ZFHX3: variants seen among roughly 807,000 people sequenced by gnomAD.
ZFHX3 encodes zinc finger homeobox protein 3.
Under a neutral mutation model 279.1 loss-of-function variants are expected in ZFHX3, and 42 were observed. That is an observed-to-expected ratio of 0.15 (90% CI 0.12 to 0.19). The LOEUF is 0.19. ZFHX3 is among the 10% of genes least tolerant of loss of function. The pLI, the probability that ZFHX3 is intolerant of heterozygous loss-of-function variation, is 1.00. For missense variants in ZFHX3, 4,981 were observed against 4,754.0 expected (o/e 1.05, Z -1.40); for synonymous variants, 2,293 against 1,957.8 (o/e 1.17, Z -4.52).
At chr16:72,876,587 T>A (rs912470489) in intron 4 of ZFHX3, among the ~76,000 whole-genome samples, 6 of 150,830 alleles carry the variant, frequency 4.0e-5, no homozygotes, top group African/African-American at 1.5e-4. Flanking sequence ...TACCCAGGCA[T>A]GTTGAAAAAA....
chr16:73,889,827 C>T (rs1371439495), intron 1 of ZFHX3, among the ~76,000 whole-genome samples: 3 of 152,140 alleles, frequency 2.0e-5, no homozygotes, highest in Admixed American at 6.5e-5. Flanking sequence ...CCCATCCCCG[C>T]CCCCAGAGCC....
intron 5 of ZFHX3, among the ~76,000 whole-genome samples, chr16:73,209,823 C>G (rs1262516104): frequency 6.6e-6 from 1 of 152,004 alleles, no homozygotes; most frequent in Non-Finnish European, 1.5e-5. Context: ...CATATAATAC[C>G]TTTATGTTAA....
chr16:73,134,106 A>T (rs2144823725), intron 6 of ZFHX3, among the ~76,000 whole-genome samples: 1 of 152,226 alleles, frequency 6.6e-6, no homozygotes, highest in East Asian at 1.9e-4. Context: ...TAAAAGAGGA[A>T]GCTGAGGCAC....
intron 3 of ZFHX3, among the ~76,000 whole-genome samples, chr16:72,941,907 T>C (rs724186): frequency 7.1e-4 from 108 of 152,332 alleles, no homozygotes; most frequent in Admixed American, 1.4e-3. Flanking sequence ...GTATTAAATA[T>C]ATACTTACTC....
chr16:73,740,461 C>T (rs996402174), intron 1 of ZFHX3, among the ~76,000 whole-genome samples: 1 of 152,064 alleles, frequency 6.6e-6, no homozygotes, highest in African/African-American at 2.4e-5. Context: ...GTGAGTTTTC[C>T]TCTAGCCCAG....
chr16:72,871,564 T>C (rs562568417), intron 4 of ZFHX3, among the ~76,000 whole-genome samples: 219 of 151,782 alleles, frequency 1.4e-3, no homozygotes, highest in Non-Finnish European at 2.1e-3. Flanking sequence ...ATGGTCTTGA[T>C]CTCCTGACCT....
intron 2 of ZFHX3, among the ~76,000 whole-genome samples, chr16:73,594,541 A>C (rs982825590): frequency 1.3e-5 from 2 of 152,244 alleles, no homozygotes; most frequent in Non-Finnish European, 2.9e-5. Flanking sequence ...TCATAAAGCC[A>C]TATTAATCAG....
rs531422156 is a variant in ZFHX3, at chr16:72,909,461, A to C, written c.3217-19499T>G. Among the ~76,000 whole-genome samples, 4 of 152,328 alleles carry C rather than the reference A, an allele frequency of 2.6e-5. No homozygotes were observed. The East Asian group carries it at 7.7e-4, about 29-fold the overall frequency. On this transcript the variant is annotated intron_variant, in intron 3 of 9. Transcript: ENST00000268489. ...TAAAACCCCGTAACAAATTTATACAATCATTTAGAAAAATCACGCGCCTGC... is the reference window on the plus strand; with the variant it reads ...TAAAACCCCGTAACAAATTTATACACTCATTTAGAAAAATCACGCGCCTGC...
intron 7 of ZFHX3, among the ~76,000 whole-genome samples, chr16:73,124,115 C>A (rs1966531899): frequency 6.6e-6 from 1 of 152,128 alleles, no homozygotes; most frequent in African/African-American, 2.4e-5. Flanking sequence ...ACTTTACAAC[C>A]TTGTATAGGA....
intron 1 of ZFHX3, among the ~76,000 whole-genome samples, chr16:73,760,039 G>T (rs1389052148): frequency 4.0e-5 from 6 of 148,530 alleles, no homozygotes; most frequent in African/African-American, 1.5e-4. Context: ...TAATAAAACA[G>T]ACAACTGGCT....
At chr16:73,102,183 G>A (rs1388275184) in intron 7 of ZFHX3, among the ~76,000 whole-genome samples, 1 of 151,992 alleles carries the variant, frequency 6.6e-6, no homozygotes, top group Non-Finnish European at 1.5e-5. Context: ...CAAAGTGCTG[G>A]GATTACAGGA....
intron 2 of ZFHX3, among the ~76,000 whole-genome samples, chr16:73,581,785 C>G (rs895764075): frequency 6.7e-6 from 1 of 148,686 alleles, no homozygotes; most frequent in Non-Finnish European, 1.5e-5. Flanking sequence ...ATTTTCCTGT[C>G]TCAGCCTCCC....
At chr16:73,847,913 T>TTG in intron 1 of ZFHX3, among the ~76,000 whole-genome samples, 1 of 144,254 alleles carries the variant, frequency 6.9e-6, no homozygotes, top group Admixed American at 6.9e-5. Flanking sequence ...AGTTTTTTTT[T>TTG]TTTTTTTTTT....
intron 4 of ZFHX3, among the ~76,000 whole-genome samples, chr16:72,862,156 C>A (rs1418928123): frequency 2.0e-5 from 3 of 152,188 alleles, no homozygotes. Flanking sequence ...TCATGTTAGG[C>A]CACTGCTGAA....
At chr16:73,668,245 T>C (rs1267818980) in intron 2 of ZFHX3, among the ~76,000 whole-genome samples, 14 of 151,992 alleles carry the variant, frequency 9.2e-5, no homozygotes, top group Admixed American at 9.2e-4. Context: ...AACTCTAGAG[T>C]TCATTCATGT....
At chr16:73,706,122 T>C (rs1004639021) in intron 1 of ZFHX3, among the ~76,000 whole-genome samples, 3 of 151,990 alleles carry the variant, frequency 2.0e-5, no homozygotes, top group Admixed American at 6.6e-5. Context: ...CTGGACAACA[T>C]AGTAAGACCT....
intron 3 of ZFHX3, among the ~76,000 whole-genome samples, chr16:73,380,055 C>T (rs982765864): frequency 1.3e-5 from 2 of 151,814 alleles, no homozygotes; most frequent in African/African-American, 4.8e-5. Flanking sequence ...TGAAGCATAA[C>T]CAAGCACAAG....
In ZFHX3 at chr16:73,821,082, C is replaced by T. The variant is rs1472964323; in HGVS notation, c.-1608+70569G>A. Among the ~76,000 whole-genome samples the T allele has an allele frequency of 2.0e-5, 3 of 152,278 alleles. No homozygotes were observed. In the East Asian group the frequency reaches 5.8e-4, roughly 30 times the overall value. On this transcript the variant is annotated intron_variant, in intron 1 of 17. Coordinates refer to the ZFHX3 transcript ENST00000641206. Reference sequence around the variant, plus strand: ...AACACAGTCAGGGGGTGGAGAAACACAGATTCAAAAACAGTCTGACACTAA... The same window carrying T: ...AACACAGTCAGGGGGTGGAGAAACATAGATTCAAAAACAGTCTGACACTAA...
chr16:73,728,015 G>GCCCACC (rs1555535414), intron 1 of ZFHX3, among the ~76,000 whole-genome samples: 1 of 75,426 alleles, frequency 1.3e-5, no homozygotes, highest in Non-Finnish European at 2.6e-5. Flanking sequence ...GCCGAATTGT[G>GCCCACC]CCCCCCCCCC....
Sources: allele counts gnomAD v4.1 joint callset (sites outside exome capture counted in the v4.1 genomes callset), GRCh38; gene constraint gnomAD v4.1.1; transcripts MANE v1.5; gene names NCBI Gene and HGNC (gene_info 2026-07-23, HGNC 2026-07-21).